The following EXPH5 variants were observed in gnomAD, a reference collection of about 807,000 sequenced individuals.
EXPH5 encodes the protein exophilin-5.
EXPH5 carries 42 observed loss-of-function variants against 41.1 expected under a neutral mutation model. That is an observed-to-expected ratio of 1.02 (90% confidence interval 0.80 to 1.32). The LOEUF is 1.32. Ranked by LOEUF, EXPH5 falls within the 40% of genes most tolerant of loss-of-function variation. The pLI is 0.00. For synonymous variants in EXPH5, 798 were observed against 833.5 expected (o/e 0.96, Z 0.73); for missense variants, 2,298 against 2,314.5 (o/e 0.99, Z 0.15).
At chr11:108,563,731 T>TA (rs919846073) in intron 1 of EXPH5, among the ~76,000 whole-genome samples, 1 of 151,848 alleles carries the variant, frequency 6.6e-6, no homozygotes, top group East Asian at 1.9e-4. Flanking sequence ...CCTGGAACAG[T>TA]AAAAAACCAC....
At chr11:108,599,828 C>T in the EXPH5 span, among the ~76,000 whole-genome samples, 30 of 152,312 alleles carry the variant, frequency 2.0e-4, no homozygotes, top group African/African-American at 7.0e-4. Flanking sequence ...AGTGAGAGCA[C>T]TGACAATGCT....
chr11:108,598,421 G>A (rs1378799196), upstream of EXPH5, among the ~76,000 whole-genome samples: 1 of 152,078 alleles, frequency 6.6e-6, no homozygotes, highest in Non-Finnish European at 1.5e-5. Flanking sequence ...AGGCACCAAG[G>A]CAAACAGGTC....
chr11:108,576,492 TG>T lies in EXPH5; in HGVS notation c.119+16925del, dbSNP rs1195283440. ...GGGGGTGATTGTACAACATTGTTAA[TG>T]TACAAAATGCCAATGAATTGTTAGC... is the stretch of plus-strand genomic sequence containing the variant. On this transcript the variant is annotated intron_variant, in intron 1 of 5. Coordinates refer to ENST00000265843, the MANE Select transcript of EXPH5 (RefSeq NM_015065.3). Among the ~76,000 whole-genome samples the T allele has an allele frequency of 3.3e-5, 5 of 152,220 alleles. No homozygotes were observed. The South Asian group carries it at 1.0e-3, about 31-fold the overall frequency.
the EXPH5 span, among the ~76,000 whole-genome samples, chr11:108,599,068 G>C: frequency 2.0e-5 from 3 of 152,010 alleles, no homozygotes; most frequent in Non-Finnish European, 4.4e-5. Flanking sequence ...TTCCCAGCTA[G>C]GTGGTCAATG....
chr11:108,575,771 C>G (rs972027886), intron 1 of EXPH5, among the ~76,000 whole-genome samples: 1 of 152,120 alleles, frequency 6.6e-6, no homozygotes, highest in Non-Finnish European at 1.5e-5. Context: ...GTCAGGAGTT[C>G]AAGAACAGCC....
intron 5 of EXPH5, among the ~76,000 whole-genome samples, chr11:108,517,562 A>T (rs1445542082): frequency 1.3e-5 from 2 of 152,240 alleles, no homozygotes; most frequent in Admixed American, 1.3e-4. Context: ...AAAGTAAACT[A>T]TGATCATATA....
In EXPH5 at chr11:108,586,971, A is replaced by C. The variant is rs1219849416; in HGVS notation, c.119+6447T>G. Among the ~76,000 whole-genome samples, 3 of 152,156 alleles carry C rather than the reference A, an allele frequency of 2.0e-5. No individual in the cohort carries two copies. The East Asian group carries it at 5.8e-4, about 30-fold the overall frequency. On this transcript the variant is annotated intron_variant, in intron 1 of 5. Coordinates refer to ENST00000265843, the MANE Select transcript of EXPH5 (RefSeq NM_015065.3). Reference sequence around the variant, plus strand: ...CACAGCTTGGGGAATAACTCACTACAGAAAAACCGACCTGAATGAAGGTGA... The same window carrying C: ...CACAGCTTGGGGAATAACTCACTACCGAAAAACCGACCTGAATGAAGGTGA...
intron 1 of EXPH5, among the ~76,000 whole-genome samples, chr11:108,577,594 T>C (rs568165994): frequency 6.6e-6 from 1 of 152,170 alleles, no homozygotes; most frequent in South Asian, 2.1e-4. Context: ...CGGCTAATTT[T>C]GTATTTTTAG....
At chr11:108,534,970 G>A (rs1482951192) in intron 3 of EXPH5, among the ~76,000 whole-genome samples, 1 of 152,166 alleles carries the variant, frequency 6.6e-6, no homozygotes, top group African/African-American at 2.4e-5. Context: ...CCTCCAGGCA[G>A]GGACTTTGCT....
chr11:108,528,240 G>A (rs762135618), intron 3 of EXPH5, 56 bp from the exon 4 acceptor site: 22 of 1,242,948 alleles, frequency 1.8e-5, no homozygotes, highest in Middle Eastern at 1.9e-4. Flanking sequence ...TTTACCAGGC[G>A]GAAAAATCAA....
At position 108,513,705 on chromosome 11, in the gene EXPH5, T is replaced by C. The variant is rs2135925306; in HGVS notation, c.1802A>G (p.Gln601Arg). 1.2e-6 allele frequency: 2 copies of C among 1,613,078 alleles called. No individual in the cohort carries two copies. The highest frequency in any genetic ancestry group is 1.7e-6 in the Non-Finnish European group (2 of 1,179,640). Reference sequence around the variant, plus strand: ...ATGTACTTCTACAGGAGAACTGTCCTGTTGACTTACCAACTCACTAGATTT... The same window carrying C: ...ATGTACTTCTACAGGAGAACTGTCCCGTTGACTTACCAACTCACTAGATTT... ...HVKSSELVSQ[Q>R]DSSPVEVHIN... The change falls in exon 6 of 6, where the codon CAG becomes CGG. Residue 601 changes from glutamine (Q) to arginine (R), a missense_variant. Gln to Arg is a conservative substitution (Grantham distance 43). Coordinates refer to ENST00000265843, the MANE Select transcript of EXPH5 (RefSeq NM_015065.3).
upstream of EXPH5, among the ~76,000 whole-genome samples, chr11:108,595,195 G>A (rs763978317): frequency 5.3e-5 from 8 of 152,182 alleles, no homozygotes; most frequent in Non-Finnish European, 8.8e-5. Flanking sequence ...CACACACTGT[G>A]AACAACACAG....
At position 108,511,340 on chromosome 11, in the gene EXPH5, C is replaced by A; in HGVS notation, c.4167G>T (p.Leu1389Phe). 6.3e-7 allele frequency: 1 copy of A among 1,580,174 alleles called. No homozygotes were observed. Among genetic ancestry groups the A allele is most frequent in the Non-Finnish European group, 8.6e-7 (1 of 1,167,490 alleles). The change falls in exon 6 of 6, where the codon TTG becomes TTT. Residue 1389 changes from leucine (L) to phenylalanine (F), a missense_variant. By Grantham distance (22) the Leu-to-Phe change is conservative (BLOSUM62 0). Transcript: ENST00000265843. Reference sequence around the variant, plus strand: ...ATGAAGTATGCAGGGTTTCACTTTGCAACTTTTTGCCTCTTTCCTTCTTGT... The same window carrying A: ...ATGAAGTATGCAGGGTTTCACTTTGAAACTTTTTGCCTCTTTCCTTCTTGT... ...SENKKERGKK[L>F]QSETLHTSLM...
At chr11:108,575,547 G>C (rs962390337) in intron 1 of EXPH5, among the ~76,000 whole-genome samples, 1 of 152,188 alleles carries the variant, frequency 6.6e-6, no homozygotes, top group Non-Finnish European at 1.5e-5. Context: ...CTAAATTATA[G>C]AATATATGCA....
chr11:108,576,065 A>G (rs2094078767), intron 1 of EXPH5, among the ~76,000 whole-genome samples: 1 of 152,230 alleles, frequency 6.6e-6, no homozygotes, highest in Non-Finnish European at 1.5e-5. Context: ...CAGTAATTCC[A>G]TTCCTACCTA....
chr11:108,566,227 G>A (rs2094033879), intron 1 of EXPH5, among the ~76,000 whole-genome samples: 1 of 152,156 alleles, frequency 6.6e-6, no homozygotes, highest in Non-Finnish European at 1.5e-5. Flanking sequence ...AAGACAATCG[G>A]AACTAGACTT....
intron 1 of EXPH5, among the ~76,000 whole-genome samples, chr11:108,563,111 G>A (rs2094019978): frequency 6.6e-6 from 1 of 152,202 alleles, no homozygotes; most frequent in Non-Finnish European, 1.5e-5. Flanking sequence ...ACAGAGGGAG[G>A]ATCTGTGAGG....
intron 1 of EXPH5, among the ~76,000 whole-genome samples, chr11:108,593,066 GC>G (rs1253668420): frequency 2.6e-5 from 4 of 152,196 alleles, no homozygotes; most frequent in Non-Finnish European, 5.9e-5. Flanking sequence ...CGCCCCCGCC[GC>G]ATTTCATTGC....
chr11:108,594,566 T>C (rs532211878), upstream of EXPH5, among the ~76,000 whole-genome samples: 93 of 152,336 alleles, frequency 6.1e-4, 2 homozygotes, highest in South Asian at 0.013. Context: ...TAGAAACTTA[T>C]AAAGATATTC....
Sources: allele counts gnomAD v4.1 joint callset (sites outside exome capture counted in the v4.1 genomes callset), GRCh38; gene constraint gnomAD v4.1.1; transcripts MANE v1.5; gene names NCBI Gene and HGNC (gene_info 2026-07-23, HGNC 2026-07-21).